The following CSMD1 variants were observed in gnomAD, a reference collection of about 807,000 sequenced individuals.
CSMD1 encodes the protein CUB and Sushi multiple domains 1, also known as CUB and sushi domain-containing protein 1.
CSMD1 carries 213 observed loss-of-function variants against 417.5 expected under a neutral mutation model. That is an observed-to-expected ratio of 0.51 (90% CI 0.46 to 0.57). The LOEUF is 0.57. Ranked by LOEUF, CSMD1 falls within the 20% of genes least tolerant of loss-of-function variation. The probability of loss-of-function intolerance (pLI) is 0.00; values close to 1 mark genes in which losing one functional copy is unlikely to be tolerated. For synonymous variants in CSMD1, 2,862 were observed against 1,736.8 expected (o/e 1.65, Z -16.11); for missense variants, 6,923 against 4,529.7 (o/e 1.53, Z -15.17).
intron 33 of CSMD1, among the ~76,000 whole-genome samples, chr8:3,193,173 A>G (rs1585614340): frequency 6.6e-6 from 1 of 152,208 alleles, no homozygotes; most frequent in African/African-American, 2.4e-5. Flanking sequence ...TTTGAGAGAT[A>G]CAGGGTATCA....
At chr8:4,240,753 T>G (rs946369513) in intron 3 of CSMD1, among the ~76,000 whole-genome samples, 1 of 152,176 alleles carries the variant, frequency 6.6e-6, no homozygotes, top group Non-Finnish European at 1.5e-5. Context: ...TCTGTGCCCT[T>G]TGAATTTAAT....
chr8:3,808,711 C>G (rs190411280), intron 5 of CSMD1, among the ~76,000 whole-genome samples: 65 of 152,274 alleles, frequency 4.3e-4, no homozygotes, highest in African/African-American at 1.4e-3. Flanking sequence ...TTCCCACTTG[C>G]GTAAACTTTC....
At chr8:4,432,721 G>A (rs928426229) in intron 2 of CSMD1, among the ~76,000 whole-genome samples, 7 of 152,128 alleles carry the variant, frequency 4.6e-5, no homozygotes, top group Non-Finnish European at 8.8e-5. Flanking sequence ...TTTAACTCCT[G>A]AAAGTTCACA....
intron 18 of CSMD1, among the ~76,000 whole-genome samples, chr8:3,383,278 T>C (rs1280356007): frequency 1.3e-5 from 2 of 152,226 alleles, no homozygotes; most frequent in African/African-American, 2.4e-5. Context: ...TGCATTTCAG[T>C]CACACCTCAA....
At chr8:4,472,722 C>T (rs1800604707) in intron 2 of CSMD1, among the ~76,000 whole-genome samples, 1 of 151,866 alleles carries the variant, frequency 6.6e-6, no homozygotes, top group South Asian at 2.1e-4. Flanking sequence ...GTAAACAGCA[C>T]TTTTACTTTC....
intron 5 of CSMD1, among the ~76,000 whole-genome samples, chr8:3,922,011 T>A (rs1011212106): frequency 2.6e-5 from 4 of 152,176 alleles, no homozygotes; most frequent in African/African-American, 9.6e-5. Context: ...AATATATTGT[T>A]TTCTATTTTC....
At chr8:3,668,216 C>G (rs2623615) in intron 7 of CSMD1, among the ~76,000 whole-genome samples, 117,404 of 152,008 alleles carry the variant, frequency 0.77, 46,069 homozygotes, top group African/African-American at 0.91. Context: ...CATAGTAAAA[C>G]TGACATCCGT....
chr8:3,802,004 G>T (rs774008557), intron 5 of CSMD1, among the ~76,000 whole-genome samples: 1 of 151,966 alleles, frequency 6.6e-6, no homozygotes, highest in Admixed American at 6.6e-5. Flanking sequence ...TTCTAAAATC[G>T]GATTGTGATG....
intron 49 of CSMD1, among the ~76,000 whole-genome samples, chr8:3,068,838 G>A (rs7833444): frequency 0.03 from 4,520 of 152,042 alleles, 235 homozygotes; most frequent in African/African-American, 0.1. Flanking sequence ...TCCAGCATTG[G>A]GGATTACAAT....
chr8:4,818,226 T>C (rs1406426923), intron 1 of CSMD1, among the ~76,000 whole-genome samples: 1 of 152,166 alleles, frequency 6.6e-6, no homozygotes, highest in African/African-American at 2.4e-5. Flanking sequence ...TTAAAATGTA[T>C]AGCAATAGAA....
At chr8:4,082,176 G>A (rs192103257) in intron 3 of CSMD1, among the ~76,000 whole-genome samples, 49 of 152,072 alleles carry the variant, frequency 3.2e-4, no homozygotes, top group East Asian at 2.9e-3. Flanking sequence ...ATTAAAGAGC[G>A]TACAAGATAT....
intron 49 of CSMD1, among the ~76,000 whole-genome samples, chr8:3,077,843 T>C (rs1813798697): frequency 6.6e-6 from 1 of 152,272 alleles, no homozygotes; most frequent in East Asian, 1.9e-4. Context: ...TCAGCTGGTA[T>C]CTTAAACTGC....
At chr8:3,235,196 G>A (rs1197286768) in intron 26 of CSMD1, among the ~76,000 whole-genome samples, 1 of 152,132 alleles carries the variant, frequency 6.6e-6, no homozygotes, top group Admixed American at 6.5e-5. Flanking sequence ...TTATATAATA[G>A]TACAAGAATT....
intron 12 of CSMD1, among the ~76,000 whole-genome samples, chr8:3,415,699 G>A (rs1036683536): frequency 6.6e-6 from 1 of 152,080 alleles, no homozygotes; most frequent in Non-Finnish European, 1.5e-5. Flanking sequence ...ATTATATGTT[G>A]TATTTATATG....
At chr8:3,769,186 C>G (rs768697262) in intron 5 of CSMD1, among the ~76,000 whole-genome samples, 3 of 152,176 alleles carry the variant, frequency 2.0e-5, no homozygotes, top group Non-Finnish European at 2.9e-5. Context: ...ATTTTACAAG[C>G]TTTTAATGTT....
At chr8:3,948,322 G>A (rs1426250774) in intron 5 of CSMD1, among the ~76,000 whole-genome samples, 1 of 152,008 alleles carries the variant, frequency 6.6e-6, no homozygotes, top group African/African-American at 2.4e-5. Context: ...GAGTATAAGG[G>A]GCTTAGAATT....
intron 3 of CSMD1, among the ~76,000 whole-genome samples, chr8:4,117,806 C>G (rs937233562): frequency 5.3e-5 from 8 of 152,172 alleles, no homozygotes; most frequent in African/African-American, 1.4e-4. Context: ...AGAACGTATC[C>G]TAGAGGACAC....
chr8:3,777,539 C>G (rs1053827385), intron 5 of CSMD1, among the ~76,000 whole-genome samples: 1 of 152,188 alleles, frequency 6.6e-6, no homozygotes, highest in African/African-American at 2.4e-5. Context: ...GGACGGAGGG[C>G]TTTCTCCTCC....
At chr8:3,891,784 T>C (rs1287999630) in intron 5 of CSMD1, among the ~76,000 whole-genome samples, 1 of 152,172 alleles carries the variant, frequency 6.6e-6, no homozygotes, top group Non-Finnish European at 1.5e-5. Context: ...GTCATTACTA[T>C]GTGATTTAGG....
Sources: gnomAD v4.1 joint callset for allele counts (sites outside exome capture counted in the v4.1 genomes callset) on GRCh38, gnomAD v4.1.1 for gene constraint, MANE v1.5 for transcripts, NCBI Gene and HGNC (gene_info 2026-07-23, HGNC 2026-07-21) for gene names.